LHX2: variants seen among roughly 807,000 people sequenced by gnomAD.
LHX2 encodes the protein LIM/homeobox protein Lhx2.
In LHX2, 6 loss-of-function variants were observed where a neutral mutation model predicts 33.0. The observed-to-expected ratio is 0.18, with a 90% CI of 0.10 to 0.36. LHX2 has a LOEUF of 0.36. Among genes scored for constraint, LHX2 ranks in the 10% least tolerant of loss-of-function variants. LHX2 has a pLI of 1.00. For missense variants in LHX2, 442 were observed against 586.2 expected (o/e 0.75, Z 2.54); for synonymous variants, 292 against 253.1 (o/e 1.15, Z -1.46).
Position 124,014,225 on chromosome 9 carries a change from A to C in LHX2, c.323+62A>C. On this transcript the variant is annotated intron_variant, in intron 2 of 4. Coordinates refer to ENST00000373615, the MANE Select transcript of LHX2 (RefSeq NM_004789.4). This position sits in a 1 kb window ranked among gnomAD's most constrained non-coding sequence, Gnocchi z 4.8. ...CCCCCAATCTCAGGCACAGTCTTAC[A>C]GTTTGGCCCTCTCCTTTCCGTTTAG... The C allele has an allele frequency of 8.4e-7, 1 of 1,194,440 alleles. No homozygotes were observed. The highest frequency in any genetic ancestry group is 1.3e-5 in the South Asian group (1 of 79,494). 74.0% of individuals were successfully genotyped at this position (1,194,440 alleles called of 1,614,324 possible).
At position 124,032,933 on chromosome 9, in the gene LHX2, A is replaced by G. The variant is rs1174709229; in HGVS notation, c.*226A>G. The G allele has an allele frequency of 2.2e-6, 1 of 464,166 alleles. No homozygotes were observed. The highest frequency in any genetic ancestry group is 3.6e-5 in the East Asian group (1 of 28,166). The allele number at this position is 464,166 out of a possible 1,614,324, so 28.8% of individuals were successfully genotyped here. A position where few individuals can be genotyped will look rare whatever the true frequency, so the allele number is the denominator to read the frequency against. ...TGCAACACAACATTTGTGTCACTGT[A>G]CAGTTTTGTGGACTGAGCGAGGAAA... On this transcript the variant is annotated 3_prime_UTR_variant, in exon 5 of 5. Coordinates refer to ENST00000373615, the MANE Select transcript of LHX2 (RefSeq NM_004789.4). This position sits in a 1 kb window ranked among gnomAD's most constrained non-coding sequence, Gnocchi z 4.1.
chr9:124,018,732 C>T (rs1010813859), intron 3 of LHX2, among the ~76,000 whole-genome samples: 3 of 152,218 alleles, frequency 2.0e-5, no homozygotes, highest in African/African-American at 7.2e-5. Context: ...CTGGCTCCTT[C>T]GCTTTCTTTT....
rs1371216473 is a variant in LHX2, at chr9:124,032,475, A to C, written c.989A>C (p.Asn330Thr). The C allele has an allele frequency of 1.9e-6, 3 of 1,609,518 alleles. No individual in the cohort carries two copies. Among genetic ancestry groups the C allele is most frequent in the Non-Finnish European group, 2.5e-6 (3 of 1,178,764 alleles). Residue 330 changes from asparagine to threonine, a missense_variant, in exon 5 of 5, where the codon AAC becomes ACC. Around this residue, in one of 5 missense-constraint regions of LHX2, gnomAD observed 32 missense variants for 95.3 expected, o/e 0.34. Transcript: ENST00000373615. This position sits in a 1 kb window ranked among gnomAD's most constrained non-coding sequence, Gnocchi z 4.1. ...AGGCGCAACCTCTTACGGCAGGAAA[A>C]CACGGGCGTGGACAAGTCGACAGAC... ...KFRRNLLRQE[N>T]TGVDKSTDAA...
chr9:124,017,839 C>G (rs1362755096), intron 3 of LHX2, among the ~76,000 whole-genome samples: 1 of 152,080 alleles, frequency 6.6e-6, no homozygotes, highest in Admixed American at 6.5e-5. Context: ...GCGGCCTCTT[C>G]CCGCAGCCCC....
At chr9:124,029,704 C>G (rs1828681922) in intron 4 of LHX2, among the ~76,000 whole-genome samples, 1 of 152,188 alleles carries the variant, frequency 6.6e-6, no homozygotes. Context: ...CCCTCAAACC[C>G]TCGACCCAGG....
At chr9:124,028,952 A>G (rs1165062315) in intron 4 of LHX2, among the ~76,000 whole-genome samples, 4 of 152,166 alleles carry the variant, frequency 2.6e-5, no homozygotes, top group Non-Finnish European at 5.9e-5. Flanking sequence ...TACTAAAAAT[A>G]CAAAAAAATT....
At chr9:124,023,999 C>G (rs1043929171) in intron 4 of LHX2, among the ~76,000 whole-genome samples, 8 of 152,226 alleles carry the variant, frequency 5.3e-5, no homozygotes, top group African/African-American at 1.9e-4. Flanking sequence ...TCTCCACTTG[C>G]CCCAAATCAC....
intron 3 of LHX2, among the ~76,000 whole-genome samples, chr9:124,017,301 T>C (rs184886447): frequency 5.4e-4 from 82 of 152,300 alleles, no homozygotes; most frequent in African/African-American, 1.9e-3. Flanking sequence ...CCGGGGCTCC[T>C]AGTCCTGAGA....
At chr9:124,029,707 G>A (rs939194750) in intron 4 of LHX2, among the ~76,000 whole-genome samples, 1 of 152,144 alleles carries the variant, frequency 6.6e-6, no homozygotes, top group Admixed American at 6.5e-5. Flanking sequence ...TCAAACCCTC[G>A]ACCCAGGCTC....
rs1228806184 is a variant in LHX2 at position 124,032,115 on chromosome 9, A to G, written c.934-305A>G. On this transcript the variant is annotated intron_variant, in intron 4 of 4. Coordinates refer to ENST00000373615, the MANE Select transcript of LHX2 (RefSeq NM_004789.4). This position sits in a 1 kb window ranked among gnomAD's most constrained non-coding sequence, Gnocchi z 4.1. ...TTAGCGGGGCCGGTGGTGCTCACCTATCTATAGCCCCAGCTACCCAGGAGG... is the reference window on the plus strand; with the variant it reads ...TTAGCGGGGCCGGTGGTGCTCACCTGTCTATAGCCCCAGCTACCCAGGAGG... The G allele has an allele frequency of 9.3e-6, 3 of 321,730 alleles. No individual in the cohort carries two copies. The highest frequency in any genetic ancestry group is 5.9e-5 in the East Asian group (1 of 17,086). The allele number at this position is 321,730 out of a possible 1,614,324, so 19.9% of individuals were successfully genotyped here. A position where few individuals can be genotyped will look rare whatever the true frequency, so the allele number is the denominator to read the frequency against.
chr9:124,017,755 G>C (rs759334320), intron 3 of LHX2, among the ~76,000 whole-genome samples: 2 of 151,878 alleles, frequency 1.3e-5, no homozygotes, highest in African/African-American at 4.8e-5. Flanking sequence ...GGGCGCCGTC[G>C]GGGCGCCGGG....
Position 124,015,627 on chromosome 9 carries a change from G to A in LHX2, c.727+102G>A. ...AATCTCTGTGTGCTGGGCAAATAGC[G>A]AGCCTTAAGCACCGGACGGCCTCGC... On this transcript the variant is annotated intron_variant, in intron 3 of 4. Coordinates refer to ENST00000373615, the MANE Select transcript of LHX2 (RefSeq NM_004789.4). The surrounding 1 kb of genome is among the most constrained non-coding windows in gnomAD (Gnocchi z 7.9). 5 of 1,302,188 alleles carry A rather than the reference G, an allele frequency of 3.8e-6. No homozygotes were observed. Among genetic ancestry groups the A allele is most frequent in the Non-Finnish European group, 5.1e-6 (5 of 977,614 alleles). The allele number at this position is 1,302,188 out of a possible 1,614,324, so 80.7% of individuals were successfully genotyped here.
In LHX2 at chr9:124,015,356, G is replaced by GGCAGCGGCGGCCGCTGCA. The variant is rs1859166358; in HGVS notation, c.561_578dup (p.Ala191_Ala196dup). On this transcript the variant is annotated inframe_insertion, in exon 3 of 5. Coordinates refer to ENST00000373615, the MANE Select transcript of LHX2 (RefSeq NM_004789.4). The surrounding 1 kb of genome is among the most constrained non-coding windows in gnomAD (Gnocchi z 7.9). Reference sequence around the variant, plus strand: ...CCGCACACTTCAACCATGCCGACGTGGCAGCGGCGGCCGCTGCAGCCGCGG... The same window carrying GGCAGCGGCGGCCGCTGCA: ...CCGCACACTTCAACCATGCCGACGTGGCAGCGGCGGCCGCTGCAGCAGCGGCGGCCGCTGCAGCCGCGG... 2 of 1,610,298 alleles carry GGCAGCGGCGGCCGCTGCA rather than the reference G, an allele frequency of 1.2e-6. No individual in the cohort carries two copies. The highest frequency in any genetic ancestry group is 1.7e-6 in the Non-Finnish European group (2 of 1,178,320).
intron 4 of LHX2, among the ~76,000 whole-genome samples, chr9:124,024,534 G>A (rs1828573714): frequency 6.6e-6 from 1 of 152,240 alleles, no homozygotes; most frequent in African/African-American, 2.4e-5. Flanking sequence ...TCTCCTCTCT[G>A]AGCCTGATGC....
In LHX2 at chr9:124,012,977, T is replaced by A. The variant is rs749569684; in HGVS notation, c.120+509T>A. Among the ~76,000 whole-genome samples, 2 of 152,224 alleles carry A rather than the reference T, an allele frequency of 1.3e-5. No homozygotes were observed. Among genetic ancestry groups the A allele is most frequent in the African/African-American group, 2.4e-5 (1 of 41,472 alleles). On this transcript the variant is annotated intron_variant, in intron 1 of 4. Transcript: ENST00000373615. This position sits in a 1 kb window ranked among gnomAD's most constrained non-coding sequence, Gnocchi z 4.3. Reference sequence around the variant, plus strand: ...AAGTCTTCGGGGCCAACATTTGTCGTTGATCGCGTCCCCAGACCCTTGACT... The same window carrying A: ...AAGTCTTCGGGGCCAACATTTGTCGATGATCGCGTCCCCAGACCCTTGACT...
intron 4 of LHX2, among the ~76,000 whole-genome samples, chr9:124,026,747 C>A (rs1828630945): frequency 6.6e-6 from 1 of 152,110 alleles, no homozygotes; most frequent in African/African-American, 2.4e-5. Context: ...CCATATAATT[C>A]TTATTTAACT....
chr9:124,011,776 C>A lies in LHX2; in HGVS notation c.-573C>A. 1 of 154,496 alleles carries A rather than the reference C, an allele frequency of 6.5e-6. No individual in the cohort carries two copies. The highest frequency in any genetic ancestry group is 1.8e-4 in the South Asian group (1 of 5,662). 9.6% of individuals were successfully genotyped at this position (154,496 alleles called of 1,614,324 possible). A position where few individuals can be genotyped will look rare whatever the true frequency, so the allele number is the denominator to read the frequency against. ...TCTTCCTCCTCCTCTTCAATTCTCC[C>A]GGTGGCTCGACTCGGCTCGCAGGCT... On this transcript the variant is annotated 5_prime_UTR_variant, in exon 1 of 5. Coordinates refer to ENST00000373615, the MANE Select transcript of LHX2 (RefSeq NM_004789.4).
intron 4 of LHX2, among the ~76,000 whole-genome samples, chr9:124,024,858 G>C (rs1828585033): frequency 6.6e-6 from 1 of 152,228 alleles, no homozygotes; most frequent in African/African-American, 2.4e-5. Context: ...GTCGAGTTCA[G>C]ATTGGTCTGA....
chr9:124,017,718 C>G (rs910524190), intron 3 of LHX2, among the ~76,000 whole-genome samples: 9 of 152,080 alleles, frequency 5.9e-5, no homozygotes, highest in African/African-American at 2.2e-4. Flanking sequence ...TACTGAAGGG[C>G]GGCGAGCTGG....
Sources: allele counts gnomAD v4.1 joint callset (sites outside exome capture counted in the v4.1 genomes callset), GRCh38; gene constraint gnomAD v4.1.1; regional missense constraint gnomAD v4.1.1; non-coding constraint Gnocchi (gnomAD v3.1); transcripts MANE v1.5; gene names NCBI Gene and HGNC (gene_info 2026-07-23, HGNC 2026-07-21).